The following MDN1 variants were observed in gnomAD, a reference collection of about 807,000 sequenced individuals.
MDN1 encodes the protein midasin.
MDN1 carries 266 observed loss-of-function variants against 669.2 expected under a neutral mutation model. The ratio of observed to expected loss-of-function variants is 0.40; its 90% CI spans 0.36 to 0.44. The LOEUF is 0.44. Among genes scored for constraint, MDN1 ranks in the 20% least tolerant of loss-of-function variants. The probability of loss-of-function intolerance (pLI) is 1.00; values close to 1 mark genes in which losing one functional copy is unlikely to be tolerated. For synonymous variants in MDN1, 2,385 were observed against 2,457.1 expected (o/e 0.97, Z 0.87); for missense variants, 5,940 against 6,754.0 (o/e 0.88, Z 4.22).
chr6:89,650,442 T>C (rs1010819352), intron 96 of MDN1, among the ~76,000 whole-genome samples: 3 of 152,054 alleles, frequency 2.0e-5, no homozygotes, highest in Non-Finnish European at 4.4e-5. Context: ...TAGGAAAAAA[T>C]GCACTAAATA....
intron 50 of MDN1, 67 bp downstream of exon 50, chr6:89,710,614 T>C: frequency 1.1e-6 from 1 of 906,256 alleles, no homozygotes. Flanking sequence ...GGTCAGATCT[T>C]TTCCCCATAA....
At chr6:89,804,555 T>G (rs1368304909) in intron 1 of MDN1, among the ~76,000 whole-genome samples, 1 of 151,990 alleles carries the variant, frequency 6.6e-6, no homozygotes, top group Non-Finnish European at 1.5e-5. Context: ...AAGAAAAAAA[T>G]GAATTCTGCA....
chr6:89,723,404 A>AT (rs1814974407), intron 39 of MDN1, 108 bp downstream of exon 39: 22 of 770,772 alleles, frequency 2.9e-5, no homozygotes, highest in South Asian at 8.7e-5. Flanking sequence ...ATTCAAAGTA[A>AT]TTTTTTTTAG....
chr6:89,782,398 C>T (rs1428530461), intron 9 of MDN1, among the ~76,000 whole-genome samples: 1 of 151,934 alleles, frequency 6.6e-6, no homozygotes, highest in Non-Finnish European at 1.5e-5. Flanking sequence ...GAGTTTGAGA[C>T]AAGCCTGGGC....
At chr6:89,801,354 A>C (rs567860138) in intron 2 of MDN1, among the ~76,000 whole-genome samples, 79 of 152,318 alleles carry the variant, frequency 5.2e-4, no homozygotes, top group South Asian at 2.1e-4. Context: ...TGAAAACCCC[A>C]AAAAATACAA....
chr6:89,772,915 C>T (rs1818177866), intron 13 of MDN1, among the ~76,000 whole-genome samples, 194 bp from the exon 14 acceptor site: 1 of 152,158 alleles, frequency 6.6e-6, no homozygotes, highest in Non-Finnish European at 1.5e-5. Flanking sequence ...ACTGAATACT[C>T]ACACATCTGA....
chr6:89,659,400 C>T (rs983616438), intron 88 of MDN1, among the ~76,000 whole-genome samples: 10 of 152,180 alleles, frequency 6.6e-5, no homozygotes, highest in African/African-American at 2.2e-4. Context: ...TTTACTGGAA[C>T]ACAGCAACAT....
intron 17 of MDN1, among the ~76,000 whole-genome samples, chr6:89,759,224 A>G (rs914350524): frequency 1.3e-5 from 2 of 152,192 alleles, no homozygotes; most frequent in African/African-American, 4.8e-5. Context: ...GGTCAGGTAA[A>G]TAGCTTACAT....
chr6:89,754,299 G>A, intron 20 of MDN1, 69 bp from the exon 21 acceptor site: 17 of 1,492,210 alleles, frequency 1.1e-5, no homozygotes, highest in Non-Finnish European at 1.5e-5. Context: ...ATTCTCTACA[G>A]AAAACCCAAA....
chr6:89,745,771 A>G (rs908737605), intron 27 of MDN1, 145 bp from the exon 28 acceptor site: 14 of 746,632 alleles, frequency 1.9e-5, no homozygotes, highest in Non-Finnish European at 2.8e-5. Context: ...GCCTATTACA[A>G]TTAACCATAT....
rs756324697 is a variant in MDN1 at position 89,794,548 on chromosome 6, A to G, written c.554+29T>C. On this transcript the variant is annotated intron_variant, in intron 3 of 101. Transcript: ENST00000369393. The stretch of plus-strand genomic sequence containing the variant: ...ATGCCCTGTACCATCCCCACACTAG[A>G]AGTGCAAAAAAGTCTAACAGCTACG... The G allele has an allele frequency of 6.3e-6, 10 of 1,597,096 alleles. No homozygotes were observed. The Admixed American group carries it at 1.5e-4, about 24-fold the overall frequency.
intron 90 of MDN1, among the ~76,000 whole-genome samples, chr6:89,657,033 GGCT>G (rs1400248347): frequency 6.6e-6 from 1 of 152,198 alleles, no homozygotes; most frequent in Non-Finnish European, 1.5e-5. Flanking sequence ...GCCTTTGTAA[GGCT>G]GCTTAGTTCT....
At chr6:89,742,330 C>T (rs1816336735) in intron 31 of MDN1, among the ~76,000 whole-genome samples, 2 of 152,132 alleles carry the variant, frequency 1.3e-5, no homozygotes, top group Admixed American at 1.3e-4. Context: ...AACAATCAAA[C>T]TTGGAAGGCT....
intron 97 of MDN1, 35 bp downstream of exon 97, chr6:89,649,989 T>A: frequency 6.2e-7 from 1 of 1,609,894 alleles, no homozygotes; most frequent in South Asian, 1.1e-5. Context: ...GATGTTAATT[T>A]CCTATCAAAC....
At chr6:89,700,560 A>T in intron 56 of MDN1, 86 bp downstream of exon 56, 1 of 1,399,162 alleles carries the variant, frequency 7.1e-7, no homozygotes, top group Non-Finnish European at 9.9e-7. Flanking sequence ...CCCAGAAAAG[A>T]AAAATCTAAG....
chr6:89,702,049 G>A lies in MDN1; in HGVS notation c.8161C>T (p.Leu2721=). The A allele has an allele frequency of 6.3e-7, 1 of 1,597,088 alleles. No homozygotes were observed. The highest frequency in any genetic ancestry group is 8.5e-7 in the Non-Finnish European group (1 of 1,174,528). Residue 2721 remains leucine (L), a synonymous_variant, in exon 54 of 102, where the codon CTG becomes TTG. Transcript: ENST00000369393. The stretch of plus-strand genomic sequence containing the variant: ...GTCCAGAACCGGTCCCGCCACCGCA[G>A]AGAACCTAAGATCTAAAAACAAAGT... ...DASANEILGS[L]RWRDRFWTVA... is the part of the protein sequence containing the mutation.
chr6:89,645,217 CA>C (rs1454316427), intron 100 of MDN1, 60 bp from the exon 101 acceptor site: 18 of 1,534,940 alleles, frequency 1.2e-5, no homozygotes, highest in Non-Finnish European at 1.5e-5. Flanking sequence ...TAATAACTCA[CA>C]ACTACCCAAA....
chr6:89,680,515 G>A, intron 74 of MDN1, 74 bp downstream of exon 74: 1 of 1,535,910 alleles, frequency 6.5e-7, no homozygotes, highest in Non-Finnish European at 8.8e-7. Flanking sequence ...GGACACAGTT[G>A]CCACATTCTC....
chr6:89,759,207 T>G (rs1817410702), intron 17 of MDN1, among the ~76,000 whole-genome samples: 1 of 152,210 alleles, frequency 6.6e-6, no homozygotes, highest in Admixed American at 6.5e-5. Flanking sequence ...CCTCTCATTA[T>G]GTGGATGGTC....
Sources: gnomAD v4.1 joint callset for allele counts (sites outside exome capture counted in the v4.1 genomes callset) on GRCh38, gnomAD v4.1.1 for gene constraint, MANE v1.5 for transcripts, NCBI Gene and HGNC (gene_info 2026-07-23, HGNC 2026-07-21) for gene names.